Variants in ITSN1 observed in about 807,000 individuals in gnomAD.
The protein encoded by ITSN1 is intersectin-1.
In ITSN1, 58 loss-of-function variants were observed where a neutral mutation model predicts 239.8. The observed-to-expected ratio is 0.24, with a 90% CI of 0.20 to 0.30. The LOEUF (loss-of-function observed/expected upper bound fraction) is 0.30. ITSN1 is among the 10% of genes least tolerant of loss of function. ITSN1 has a pLI of 1.00. For synonymous variants in ITSN1, 780 were observed against 770.8 expected, an observed-to-expected ratio of 1.01 and a Z score of -0.20; for missense variants, 1,558 against 2,103.3, an observed-to-expected ratio of 0.74 and a Z score of 5.07.
In ITSN1 at chr21:33,792,281, T is replaced by C. The variant is rs372843123; in HGVS notation, c.1825-2060T>C. ...GTGCAGTGGCGCGATCTTGGCTCAC[T>C]GCAAGCTCCGCCTCCTGGGTTCTCG... On this transcript the variant is annotated intron_variant, in intron 16 of 39. Transcript: ENST00000381318. Among the ~76,000 whole-genome samples, 955 of 152,306 alleles carry C rather than the reference T, an allele frequency of 6.3e-3. 6 individuals are homozygous for C. Among genetic ancestry groups the C allele is most frequent in the Middle Eastern group, 0.031 (9 of 294 alleles).
At chr21:33,870,956 C>T (rs1172981934) in intron 33 of ITSN1, among the ~76,000 whole-genome samples, 1 of 152,098 alleles carries the variant, frequency 6.6e-6, no homozygotes, top group Non-Finnish European at 1.5e-5. Flanking sequence ...TTTACATCTG[C>T]GTATGCCTGC....
chr21:33,727,042 C>T (rs2065873032), intron 4 of ITSN1, among the ~76,000 whole-genome samples: 1 of 152,058 alleles, frequency 6.6e-6, no homozygotes, highest in African/African-American at 2.4e-5. Flanking sequence ...TTTGGGGACT[C>T]CTTGTCTCTC....
intron 25 of ITSN1, among the ~76,000 whole-genome samples, chr21:33,824,773 G>A (rs781494032): frequency 5.3e-5 from 8 of 152,138 alleles, no homozygotes; most frequent in Non-Finnish European, 8.8e-5. Flanking sequence ...TTTAAGGGGT[G>A]GCATTGTTTT....
intron 24 of ITSN1, among the ~76,000 whole-genome samples, chr21:33,822,534 T>G (rs2244270): frequency 0.11 from 16,621 of 152,184 alleles, 1,184 homozygotes; most frequent in East Asian, 0.29. Context: ...ACCTAGAACC[T>G]CCATCCAGGA....
At chr21:33,878,716 A>G (rs556589618) in intron 34 of ITSN1, among the ~76,000 whole-genome samples, 23 of 152,168 alleles carry the variant, frequency 1.5e-4, no homozygotes, top group Non-Finnish European at 1.3e-4. Flanking sequence ...GTGGGCTCCC[A>G]TTTTGGGATT....
intron 33 of ITSN1, among the ~76,000 whole-genome samples, chr21:33,871,322 A>G (rs940019886): frequency 2.6e-5 from 4 of 151,892 alleles, no homozygotes; most frequent in African/African-American, 9.7e-5. Flanking sequence ...AAGCAACACT[A>G]AACTCACTGA....
At chr21:33,686,144 A>G (rs2091223606) in intron 1 of ITSN1, among the ~76,000 whole-genome samples, 1 of 152,200 alleles carries the variant, frequency 6.6e-6, no homozygotes, top group Non-Finnish European at 1.5e-5. Flanking sequence ...AATGGGAAAT[A>G]TGTGTCTACT....
At chr21:33,878,517 A>G (rs75442846) in intron 34 of ITSN1, among the ~76,000 whole-genome samples, 2,377 of 152,260 alleles carry the variant, frequency 0.016, 66 homozygotes, top group African/African-American at 0.053. Flanking sequence ...CAAAATGACC[A>G]GCGAGAATGT....
Position 33,781,501 on chromosome 21 carries a change from A to G in ITSN1, c.1637A>G (p.Gln546Arg), listed in dbSNP as rs1207143006. The G allele has an allele frequency of 1.9e-6, 3 of 1,598,540 alleles. No individual in the cohort carries two copies. The highest frequency in any genetic ancestry group is 2.6e-6 in the Non-Finnish European group (3 of 1,172,254). The change falls in exon 15 of 40, where the codon CAG becomes CGG. Residue 546 changes from glutamine (Q) to arginine (R), a missense_variant. By Grantham distance (43) the Gln-to-Arg change is conservative (BLOSUM62 1). Around this residue, in one of 2 missense-constraint regions of ITSN1, gnomAD observed 982 missense variants for 1,209.9 expected, o/e 0.81. Coordinates refer to ENST00000381318, the MANE Select transcript of ITSN1 (RefSeq NM_003024.3). ...QMLGRLIPEKQILNDQLKQVQ... is the reference protein window; with the variant it reads ...QMLGRLIPEKRILNDQLKQVQ... ...CTTGGAAGACTTATTCCAGAAAAAC[A>G]GATACTCAATGACCAATTAAAACAA...
intron 25 of ITSN1, among the ~76,000 whole-genome samples, chr21:33,824,948 A>G (rs2073899108): frequency 6.6e-6 from 1 of 152,216 alleles, no homozygotes; most frequent in South Asian, 2.1e-4. Flanking sequence ...ACCTGGAAAC[A>G]GAGAATTCAA....
rs1026890836 is a variant in ITSN1, at chr21:33,895,483, G to C, written c.*7183G>C. The C allele has an allele frequency of 6.6e-6, 1 of 152,120 alleles. No individual in the cohort carries two copies. Among genetic ancestry groups the C allele is most frequent in the Admixed American group, 6.6e-5 (1 of 15,224 alleles). The allele number at this position is 152,120 out of a possible 1,614,324, so 9.4% of individuals were successfully genotyped here. ...CGTGTGCGTGTGTGTGCATGGGTTT[G>C]CGTGCATGCATGTGTGTGCGTGCGC... On this transcript the variant is annotated 3_prime_UTR_variant, in exon 40 of 40. Coordinates refer to ENST00000381318, the MANE Select transcript of ITSN1 (RefSeq NM_003024.3).
intron 1 of ITSN1, among the ~76,000 whole-genome samples, chr21:33,675,942 G>A (rs1211400993): frequency 6.6e-6 from 1 of 151,640 alleles, no homozygotes. Context: ...AATTTCATTT[G>A]CTTTTAAAAC....
chr21:33,764,219 C>T (rs1227789910), intron 9 of ITSN1, among the ~76,000 whole-genome samples: 1 of 152,050 alleles, frequency 6.6e-6, no homozygotes, highest in East Asian at 1.9e-4. Flanking sequence ...GAGAAAAACG[C>T]TTGAGGCTTC....
intron 14 of ITSN1, among the ~76,000 whole-genome samples, chr21:33,779,160 A>T (rs868396884): frequency 2.1e-5 from 3 of 143,828 alleles, no homozygotes; most frequent in South Asian, 4.4e-4. Context: ...TCTCTGTGGT[A>T]TGTCTGTTTT....
chr21:33,877,059 C>CTTT lies in ITSN1; in HGVS notation c.4341+1548_4341+1550dup, dbSNP rs10529259. ...TCCTTAGAACTTTACCTGTGGGCAC[C>CTTT]TTTTTTTTTTTTGAAATGGAGTCTC... On this transcript the variant is annotated intron_variant, in intron 34 of 39. Coordinates refer to ENST00000381318, the MANE Select transcript of ITSN1 (RefSeq NM_003024.3). Among the ~76,000 whole-genome samples, 4 of 106,366 alleles carry CTTT rather than the reference C, an allele frequency of 3.8e-5. 1 individual carries two copies. The highest frequency in any genetic ancestry group is 5.4e-5 in the Non-Finnish European group (3 of 55,774). The allele number at this position is 106,366 out of a possible 152,430, so 69.8% of individuals were successfully genotyped here. A position where few individuals can be genotyped will look rare whatever the true frequency, so the allele number is the denominator to read the frequency against.
At chr21:33,872,018 C>T (rs976503569) in intron 33 of ITSN1, among the ~76,000 whole-genome samples, 8 of 152,184 alleles carry the variant, frequency 5.3e-5, no homozygotes, top group African/African-American at 1.7e-4. Flanking sequence ...TTAGTTTTAT[C>T]ATTGAGAACA....
At chr21:33,665,676 A>G (rs528390560) in intron 1 of ITSN1, among the ~76,000 whole-genome samples, 1 of 152,342 alleles carries the variant, frequency 6.6e-6, no homozygotes, top group East Asian at 1.9e-4. Context: ...AAACTTGTAC[A>G]TAATATTCAT....
chr21:33,763,229 C>CAAAAA (rs71322243), intron 9 of ITSN1, among the ~76,000 whole-genome samples: 19 of 69,766 alleles, frequency 2.7e-4, no homozygotes, highest in South Asian at 7.2e-4. Context: ...GCCCCCCAAC[C>CAAAAA]AAAAAAAAAA....
intron 1 of ITSN1, among the ~76,000 whole-genome samples, chr21:33,655,980 A>C (rs1195268131): frequency 2.0e-5 from 3 of 152,186 alleles, no homozygotes; most frequent in Non-Finnish European, 4.4e-5. Flanking sequence ...GAGAAGGAAG[A>C]AAAAGGAAGG....
Sources: allele counts gnomAD v4.1 joint callset (sites outside exome capture counted in the v4.1 genomes callset), GRCh38; gene constraint gnomAD v4.1.1; regional missense constraint gnomAD v4.1.1; transcripts MANE v1.5; gene names NCBI Gene and HGNC (gene_info 2026-07-23, HGNC 2026-07-21).